CTSH: variants seen among roughly 807,000 people sequenced by gnomAD.
CTSH encodes cathepsin H, also known as pro-cathepsin H.
Under a neutral mutation model 56.3 loss-of-function variants are expected in CTSH, and 52 were observed. That is an observed-to-expected ratio of 0.92 (90% CI 0.74 to 1.16). The LOEUF (loss-of-function observed/expected upper bound fraction) is 1.16, where lower values mean the gene tolerates loss of function less well. CTSH is among the 50% of genes most tolerant of loss of function. The pLI, the probability that CTSH is intolerant of heterozygous loss-of-function variation, is 0.00. For missense variants in CTSH, 406 were observed against 424.5 expected (o/e 0.96, Z 0.38); for synonymous variants, 174 against 155.7 (o/e 1.12, Z -0.88).
intron 1 of CTSH, among the ~76,000 whole-genome samples, chr15:78,940,537 CAAAA>C (rs10555725): frequency 7.2e-6 from 1 of 137,998 alleles, no homozygotes; most frequent in Non-Finnish European, 1.6e-5. Context: ...GACCTTGTCT[CAAAA>C]AAAAAAAAAA....
At chr15:78,944,032 G>A (rs2055344749) in intron 1 of CTSH, among the ~76,000 whole-genome samples, 1 of 152,204 alleles carries the variant, frequency 6.6e-6, no homozygotes, top group South Asian at 2.1e-4. Flanking sequence ...CCTCTAGCTG[G>A]GGGAAAGCCC....
intron 8 of CTSH, among the ~76,000 whole-genome samples, chr15:78,928,314 TCACAGCACTTTGGGAGGCCGA>T (rs1458150832): frequency 1.3e-5 from 2 of 151,570 alleles, no homozygotes; most frequent in African/African-American, 4.8e-5. Flanking sequence ...ACGCCTGTAA[TCACAGCACTTTGGGAGGCCGA>T]GGCGGTAGAT....
chr15:78,922,874 G>C, intron 11 of CTSH, 119 bp downstream of exon 11: 2 of 1,280,778 alleles, frequency 1.6e-6, no homozygotes, highest in East Asian at 4.9e-5. Flanking sequence ...GCCTGGCCTA[G>C]GGCTTGGCTG....
chr15:78,925,230 A>G (rs1025226771), intron 10 of CTSH, 104 bp downstream of exon 10: 4 of 716,366 alleles, frequency 5.6e-6, no homozygotes, highest in African/African-American at 5.2e-5. Context: ...AGGGTCTGAC[A>G]CACAGGAGTC....
At chr15:78,927,654 A>T in intron 9 of CTSH, 59 bp downstream of exon 9, 1 of 1,503,570 alleles carries the variant, frequency 6.7e-7, no homozygotes. Context: ...ATCCGACAGC[A>T]TGAGAGAGGC....
chr15:78,926,811 C>G (rs1367050345), intron 9 of CTSH: 4 of 152,204 alleles, frequency 2.6e-5, no homozygotes, highest in African/African-American at 9.7e-5. Context: ...GGATACTCAT[C>G]TCCTAGGGCC....
intron 6 of CTSH, 127 bp downstream of exon 6, chr15:78,932,245 C>A: frequency 1.2e-6 from 1 of 867,288 alleles, no homozygotes; most frequent in Non-Finnish European, 1.8e-6. Flanking sequence ...GTCCACAAGG[C>A]TGGGGCATCT....
At chr15:78,929,637 G>A in intron 7 of CTSH, 144 bp from the exon 8 acceptor site, 1 of 580,154 alleles carries the variant, frequency 1.7e-6, no homozygotes, top group South Asian at 2.2e-5. Flanking sequence ...GTCTCTGAGA[G>A]GCCCAGCCTT....
At chr15:78,939,280 T>C in intron 1 of CTSH, 109 bp from the exon 2 acceptor site, 1 of 768,658 alleles carries the variant, frequency 1.3e-6, no homozygotes, top group Non-Finnish European at 2.1e-6. Context: ...CTGGACTAAA[T>C]TTAAAACACC....
At chr15:78,941,284 A>G (rs4778716) in intron 1 of CTSH, among the ~76,000 whole-genome samples, 76,884 of 151,060 alleles carry the variant, frequency 0.51, 22,747 homozygotes, top group Non-Finnish European at 0.68. Flanking sequence ...AATAAGCCAG[A>G]CGTGGTGGCA....
chr15:78,937,549 G>A, intron 2 of CTSH, 126 bp from the exon 3 acceptor site: 3 of 1,336,730 alleles, frequency 2.2e-6, no homozygotes, highest in South Asian at 2.9e-5. Flanking sequence ...GGCCAAATCT[G>A]TGTTAATGGG....
At position 78,931,866 on chromosome 15, in the gene CTSH, C is replaced by G. The variant is rs1161349704; in HGVS notation, c.493-360G>C. 1.1e-5 allele frequency: 14 copies of G among 1,246,564 alleles called. No homozygotes were observed. In the South Asian group the frequency reaches 1.5e-4, roughly 14 times the overall value. The allele number at this position is 1,246,564 out of a possible 1,614,324, so 77.2% of individuals were successfully genotyped here. A position where few individuals can be genotyped will look rare whatever the true frequency, so the allele number is the denominator to read the frequency against. ...CAGGCCCAGCCAGAGACCCTACCCC[C>G]ACCTGTCCACAACCCAGGGTCCTCA... On this transcript the variant is annotated intron_variant, in intron 6 of 11. Coordinates refer to ENST00000220166, the MANE Select transcript of CTSH (RefSeq NM_004390.5).
At chr15:78,944,503 A>G in intron 1 of CTSH, 1 of 171,104 alleles carries the variant, frequency 5.8e-6, no homozygotes, top group Non-Finnish European at 1.2e-5. Flanking sequence ...GTCCCGGGGG[A>G]AGCTGCTAGA....
intron 6 of CTSH, chr15:78,931,832 TG>T: frequency 7.7e-7 from 1 of 1,293,306 alleles, no homozygotes; most frequent in Non-Finnish European, 9.9e-7. Flanking sequence ...GTGTATAGGA[TG>T]GGGGAAACAG....
At chr15:78,933,867 C>A (rs367896633) in intron 5 of CTSH, among the ~76,000 whole-genome samples, 1 of 152,180 alleles carries the variant, frequency 6.6e-6, no homozygotes, top group African/African-American at 2.4e-5. Context: ...CAGTAAGAGA[C>A]GGCACACATC....
Position 78,921,960 on chromosome 15 carries a change from G to C in CTSH, c.*170C>G. 1 of 619,036 alleles carries C rather than the reference G, an allele frequency of 1.6e-6. No homozygotes were observed. The highest frequency in any genetic ancestry group is 2.8e-5 in the East Asian group (1 of 36,166). The allele number at this position is 619,036 out of a possible 1,614,324, so 38.3% of individuals were successfully genotyped here. ...CGTCATAGACACGGGTGAGCTCATG[G>C]TGGAACTCCTCCTTGTCTGTAGGTT... is the stretch of plus-strand genomic sequence containing the variant. On this transcript the variant is annotated 3_prime_UTR_variant, in exon 12 of 12. Coordinates refer to ENST00000220166, the MANE Select transcript of CTSH (RefSeq NM_004390.5).
At position 78,927,735 on chromosome 15, in the gene CTSH, T is replaced by C. The variant is rs765734124; in HGVS notation, c.677A>G (p.Lys226Arg). 1.2e-6 allele frequency: 2 copies of C among 1,614,162 alleles called. No homozygotes were observed. Among genetic ancestry groups the C allele is most frequent in the Non-Finnish European group, 1.7e-6 (2 of 1,180,024 alleles). The change falls in exon 9 of 12, where the codon AAG (lysine) becomes AGG (arginine). Residue 226 changes from lysine (K) to arginine (R), a missense_variant. Transcript: ENST00000220166. ...CACGATTGTGATGTTGGCTACATCC[T>C]TGACAAAGCCGATGGCCTTTCCAGG... ...FQPGKAIGFV[K>R]DVANITIYDE...
Position 78,944,895 on chromosome 15 carries a change from GGAGT to G in CTSH, c.83_86del (p.Asn28ThrfsTer2). Reference sequence around the variant, plus strand: ...GGCGGCGCGCCCTCTGCGTACCTAAGGAGTTCACGCACAGTTCGGCGGCACCGCA... The same window carrying G: ...GGCGGCGCGCCCTCTGCGTACCTAAGTCACGCACAGTTCGGCGGCACCGCA... On this transcript the variant is annotated frameshift_variant, in exon 1 of 12. Transcript: ENST00000220166. LOFTEE classifies it high-confidence loss of function. 6.5e-7 allele frequency: 1 copy of G among 1,548,230 alleles called. No individual in the cohort carries two copies. Among genetic ancestry groups the G allele is most frequent in the Non-Finnish European group, 8.7e-7 (1 of 1,145,722 alleles).
At chr15:78,939,831 C>T (rs749054912) in intron 1 of CTSH, among the ~76,000 whole-genome samples, 22 of 152,164 alleles carry the variant, frequency 1.4e-4, no homozygotes, top group African/African-American at 4.1e-4. Context: ...TGCAGTGAGC[C>T]GAGATCGTGC....
Sources: allele counts gnomAD v4.1 joint callset (sites outside exome capture counted in the v4.1 genomes callset), GRCh38; gene constraint gnomAD v4.1.1; transcripts MANE v1.5; gene names NCBI Gene and HGNC (gene_info 2026-07-23, HGNC 2026-07-21).